Variants in CCDC141 observed in about 807,000 individuals in gnomAD.
The protein encoded by CCDC141 is coiled-coil domain-containing protein 141.
CCDC141 carries 168 observed loss-of-function variants against 181.0 expected under a neutral mutation model. The ratio of observed to expected loss-of-function variants is 0.93; its 90% CI spans 0.82 to 1.05. CCDC141 has a LOEUF of 1.05. Ranked by LOEUF, CCDC141 falls within the 50% of genes least tolerant of loss-of-function variation. The probability of loss-of-function intolerance (pLI) is 0.00; values close to 1 mark genes in which losing one functional copy is unlikely to be tolerated. For missense variants in CCDC141, 1,902 were observed against 1,788.5 expected, an observed-to-expected ratio of 1.06 and a Z score of -1.14; for synonymous variants, 666 against 642.3, an observed-to-expected ratio of 1.04 and a Z score of -0.56.
chr2:178,821,766 C>T, the CCDC141 span, among the ~76,000 whole-genome samples: 1 of 152,032 alleles, frequency 6.6e-6, no homozygotes, highest in African/African-American at 2.4e-5. Flanking sequence ...ACAACAGGTG[C>T]TGGAGAGGAT....
chr2:178,834,187 G>A lies in CCDC141; in HGVS notation c.4579C>T (p.Leu1527Phe). Residue 1527 changes from leucine (L) to phenylalanine (F), a missense_variant, in exon 24 of 24, where the codon CTC becomes TTC. By Grantham distance (22) the Leu-to-Phe change is conservative. Transcript: ENST00000443758. ...CAACACCACAGTTATTGTGTGAGGA[G>A]CCAGTACATTAGGGACACACTAACA... ...VYVSVSLMYW[L>F]LTQ The A allele has an allele frequency of 6.5e-7, 1 of 1,536,076 alleles. No homozygotes were observed. The highest frequency in any genetic ancestry group is 1.4e-5 in the African/African-American group (1 of 73,146).
At chr2:178,927,876 A>G (rs2154375564) in intron 6 of CCDC141, among the ~76,000 whole-genome samples, 1 of 152,298 alleles carries the variant, frequency 6.6e-6, no homozygotes, top group South Asian at 2.1e-4. Context: ...GAAGAAAAGA[A>G]CAAGCAATTT....
chr2:178,929,758 T>C (rs927381801), intron 6 of CCDC141, among the ~76,000 whole-genome samples: 1 of 152,142 alleles, frequency 6.6e-6, no homozygotes, highest in Non-Finnish European at 1.5e-5. Flanking sequence ...ACACTCTCTT[T>C]CATTGTGCAA....
At chr2:178,864,447 T>C (rs1040159298) in intron 17 of CCDC141, among the ~76,000 whole-genome samples, 1 of 152,092 alleles carries the variant, frequency 6.6e-6, no homozygotes, top group African/African-American at 2.4e-5. Flanking sequence ...AGAGGGCAAA[T>C]TACACTACCG....
At chr2:179,023,821 C>T (rs896496865) in intron 2 of CCDC141, among the ~76,000 whole-genome samples, 17 of 152,210 alleles carry the variant, frequency 1.1e-4, no homozygotes, top group Admixed American at 1.0e-3. Context: ...GCTCTACCCA[C>T]AGAGAGTCTT....
chr2:178,824,223 GC>G, the CCDC141 span, among the ~76,000 whole-genome samples: 1 of 152,014 alleles, frequency 6.6e-6, no homozygotes, highest in Admixed American at 6.6e-5. Flanking sequence ...AATGGTATAG[GC>G]TTTTCTAATT....
chr2:178,899,178 A>T (rs952769435), intron 8 of CCDC141, among the ~76,000 whole-genome samples: 1 of 152,226 alleles, frequency 6.6e-6, no homozygotes, highest in African/African-American at 2.4e-5. Context: ...TATTCAATAC[A>T]GTAACATGCT....
chr2:178,845,353 G>A lies in CCDC141; in HGVS notation c.3474+273C>T, dbSNP rs145700296. Among the ~76,000 whole-genome samples the A allele has an allele frequency of 2.0e-3, 312 of 152,296 alleles. 8 individuals are homozygous for A. In the South Asian group the frequency reaches 0.024, roughly 12 times the overall value. ...AAAACAAGTGGTTTGGGGTGACATG[G>A]CATTTAAATGGCTGTCCCAATGCTA... On this transcript the variant is annotated intron_variant, in intron 22 of 23. Coordinates refer to ENST00000443758, the MANE Select transcript of CCDC141 (RefSeq NM_173648.4).
At chr2:178,885,828 T>C (rs764194085) in intron 10 of CCDC141, among the ~76,000 whole-genome samples, 3 of 152,132 alleles carry the variant, frequency 2.0e-5, no homozygotes, top group Non-Finnish European at 4.4e-5. Context: ...CAATGAGAGA[T>C]TGCTTCCCTA....
At position 178,837,714 on chromosome 2, in the gene CCDC141, T is replaced by A. The variant is rs746635252; in HGVS notation, c.3505A>T (p.Ile1169Phe). The A allele has an allele frequency of 2.5e-6, 4 of 1,612,772 alleles. No individual in the cohort carries two copies. Among genetic ancestry groups the A allele is most frequent in the Non-Finnish European group, 3.4e-6 (4 of 1,179,348 alleles). ...GQVQVADLLG[I>F]NGTGEERLPQ... ...AGTCGCTCTTCCCCTGTTCCATTGATGCCCAAAAGATCTGCCACCTGCACC... is the reference window on the plus strand; with the variant it reads ...AGTCGCTCTTCCCCTGTTCCATTGAAGCCCAAAAGATCTGCCACCTGCACC... The change falls in exon 23 of 24, where the codon ATC becomes TTC. Residue 1169 changes from isoleucine (I) to phenylalanine (F), a missense_variant. Ile to Phe is a conservative substitution (Grantham distance 21). Coordinates refer to ENST00000443758, the MANE Select transcript of CCDC141 (RefSeq NM_173648.4).
chr2:179,047,362 A>C lies in CCDC141; in HGVS notation c.147T>G (p.Asn49Lys). The C allele has an allele frequency of 2.6e-6, 4 of 1,539,766 alleles. No homozygotes were observed. The highest frequency in any genetic ancestry group is 1.7e-4 in the Middle Eastern group (1 of 5,944). ...CTTGACTGCTGCCAATTTCTAGAAGATTGGGCTGTGATTCAGCCAGTTGAA... is the reference window on the plus strand; with the variant it reads ...CTTGACTGCTGCCAATTTCTAGAAGCTTGGGCTGTGATTCAGCCAGTTGAA... ...VQLQLAESQPNLLEIGSSQDE... is the reference protein window; with the variant it reads ...VQLQLAESQPKLLEIGSSQDE... The change falls in exon 2 of 24, where the codon AAT becomes AAG. Residue 49 changes from asparagine to lysine, a missense_variant. Asn to Lys is a moderately conservative substitution (Grantham distance 94). Transcript: ENST00000443758.
intron 2 of CCDC141, among the ~76,000 whole-genome samples, chr2:179,013,705 T>C (rs1029099868): frequency 1.3e-5 from 2 of 151,990 alleles, no homozygotes; most frequent in Admixed American, 1.3e-4. Flanking sequence ...CAGTGGCTCA[T>C]GCCTATAATT....
At chr2:178,939,700 G>T (rs1029548616) in intron 6 of CCDC141, among the ~76,000 whole-genome samples, 1 of 152,070 alleles carries the variant, frequency 6.6e-6, no homozygotes, top group African/African-American at 2.4e-5. Context: ...ATAAAAGTAA[G>T]GTCCAGAATC....
chr2:178,961,894 G>A (rs982155238), intron 4 of CCDC141, among the ~76,000 whole-genome samples: 4 of 152,188 alleles, frequency 2.6e-5, no homozygotes, highest in Admixed American at 2.0e-4. Flanking sequence ...CTCAATAAAT[G>A]TGGTGGCCAG....
chr2:178,981,636 G>GTATATATATATATATA (rs1193430874), intron 2 of CCDC141, among the ~76,000 whole-genome samples: 3,047 of 62,026 alleles, frequency 0.049, 240 homozygotes, highest in African/African-American at 0.099. Context: ...GTGTGTGTGT[G>GTATATATATATATATA]TATATATATA....
At chr2:178,914,018 A>G (rs1688334661) in intron 7 of CCDC141, among the ~76,000 whole-genome samples, 1 of 152,198 alleles carries the variant, frequency 6.6e-6, no homozygotes, top group South Asian at 2.1e-4. Context: ...ACATTCCCTT[A>G]ACAATGATAA....
rs138005720 is a variant in CCDC141 at position 178,927,815 on chromosome 2, G to A, written c.898-8908C>T. Reference sequence around the variant, plus strand: ...GATCCATTTCTCCCAGAAATGAGGAGAAAGAGAAGTAAAAGAGAGAAGCAA... The same window carrying A: ...GATCCATTTCTCCCAGAAATGAGGAAAAAGAGAAGTAAAAGAGAGAAGCAA... On this transcript the variant is annotated intron_variant, in intron 6 of 23. Coordinates refer to ENST00000443758, the MANE Select transcript of CCDC141 (RefSeq NM_173648.4). 2.2e-3 allele frequency among the ~76,000 whole-genome samples: 328 copies of A among 152,238 alleles called. 1 individual carries two copies. Among genetic ancestry groups the A allele is most frequent in the Middle Eastern group, 6.8e-3 (2 of 294 alleles).
At chr2:178,894,811 G>GA (rs1040463132) in intron 8 of CCDC141, among the ~76,000 whole-genome samples, 5 of 151,344 alleles carry the variant, frequency 3.3e-5, no homozygotes, top group African/African-American at 4.8e-5. Flanking sequence ...GTATAGAAGA[G>GA]AAAAAAAAGG....
intron 6 of CCDC141, among the ~76,000 whole-genome samples, chr2:178,925,174 A>G (rs1688865102): frequency 6.6e-6 from 1 of 152,230 alleles, no homozygotes; most frequent in Non-Finnish European, 1.5e-5. Context: ...GACAGATATC[A>G]CCAAATTAAT....
Sources: allele counts gnomAD v4.1 joint callset (sites outside exome capture counted in the v4.1 genomes callset), GRCh38; gene constraint gnomAD v4.1.1; transcripts MANE v1.5; gene names NCBI Gene and HGNC (gene_info 2026-07-23, HGNC 2026-07-21).